LUC7L: variants seen among roughly 807,000 people sequenced by gnomAD.
LUC7L encodes the protein LUC7 like.
In LUC7L, 29 loss-of-function variants were observed where a neutral mutation model predicts 51.1. The observed-to-expected ratio is 0.57, with a 90% CI of 0.42 to 0.77. LUC7L has a LOEUF of 0.77. LUC7L is among the 30% of genes least tolerant of loss of function. LUC7L has a pLI of 0.00. For missense variants in LUC7L, 403 were observed against 511.9 expected (o/e 0.79, Z 2.05); for synonymous variants, 181 against 180.7 (o/e 1.00, Z -0.01).
At chr16:213,944 G>C (rs1211918179) in intron 3 of LUC7L, among the ~76,000 whole-genome samples, 1 of 151,730 alleles carries the variant, frequency 6.6e-6, no homozygotes, top group Admixed American at 6.6e-5. Context: ...TCCATCTCCT[G>C]ATCTTGTGAT....
At chr16:198,463 G>T (rs1397997192) in intron 6 of LUC7L, among the ~76,000 whole-genome samples, 1 of 151,978 alleles carries the variant, frequency 6.6e-6, no homozygotes, top group Admixed American at 6.6e-5. Flanking sequence ...TGACCAACCA[G>T]AGATTCTTTC....
chr16:211,714 G>C (rs915522790), intron 3 of LUC7L, among the ~76,000 whole-genome samples: 1 of 152,198 alleles, frequency 6.6e-6, no homozygotes, highest in Non-Finnish European at 1.5e-5. Flanking sequence ...GTAGCGTTAT[G>C]AAACATAAAC....
chr16:222,757 A>T (rs995906372), intron 2 of LUC7L, among the ~76,000 whole-genome samples: 1 of 151,486 alleles, frequency 6.6e-6, no homozygotes, highest in African/African-American at 2.4e-5. Flanking sequence ...CAGCCTCCCA[A>T]GGAGCTGGAA....
intron 1 of LUC7L, 167 bp downstream of exon 1, chr16:229,112 C>T (rs986577824): frequency 9.9e-6 from 14 of 1,414,118 alleles, no homozygotes; most frequent in African/African-American, 9.0e-5. Flanking sequence ...CTCAGAGACG[C>T]ACCGGCTTAG....
chr16:204,367 C>T (rs921278138), intron 5 of LUC7L, among the ~76,000 whole-genome samples: 11 of 151,716 alleles, frequency 7.3e-5, no homozygotes, highest in East Asian at 3.9e-4. Context: ...GAGACCGAGG[C>T]GGGTGGACCA....
At chr16:228,798 A>C in intron 1 of LUC7L, 1 of 1,288,020 alleles carries the variant, frequency 7.8e-7, no homozygotes, top group Non-Finnish European at 1.0e-6. Flanking sequence ...ACGTTAGAAA[A>C]GCTCAGTTTA....
At chr16:200,967 A>G (rs1000191719) in intron 5 of LUC7L, among the ~76,000 whole-genome samples, 16 of 151,902 alleles carry the variant, frequency 1.1e-4, no homozygotes, top group South Asian at 2.1e-4. Flanking sequence ...GGTGGATCAC[A>G]AGGTCAGGAG....
rs138969437 is a variant in LUC7L at position 189,382 on chromosome 16, C to A, written c.975-43G>T. 4.7e-4 allele frequency: 734 copies of A among 1,574,554 alleles called. 4 individuals are homozygous for A. The African/African-American group carries it at 8.5e-3, about 18-fold the overall frequency. On this transcript the variant is annotated intron_variant, in intron 9 of 9. Coordinates refer to ENST00000293872, the MANE Select transcript of LUC7L (RefSeq NM_201412.3). ...GAGGCTCAGTGGAGGCTGCTGCCCC[C>A]CTTCTGCTGGCCGCTCAGGCACTGA...
At chr16:189,735 C>G in intron 9 of LUC7L, 1 of 1,387,278 alleles carries the variant, frequency 7.2e-7, no homozygotes, top group Non-Finnish European at 9.3e-7. Flanking sequence ...GTGCACAGGC[C>G]CCAGGACGCA....
chr16:205,914 T>A (rs1033160361), intron 5 of LUC7L, 90 bp downstream of exon 5: 136 of 1,458,706 alleles, frequency 9.3e-5, no homozygotes, highest in East Asian at 3.7e-4. Context: ...TTTTAAAAAA[T>A]GGGAGCAAGC....
intron 5 of LUC7L, among the ~76,000 whole-genome samples, chr16:200,865 C>A (rs776757034): frequency 6.6e-6 from 1 of 151,952 alleles, no homozygotes. Context: ...CTGGGTGACC[C>A]TGGCTGACAG....
At chr16:228,746 TG>T (rs565062213) in intron 1 of LUC7L, 7 of 1,263,728 alleles carry the variant, frequency 5.5e-6, no homozygotes, top group African/African-American at 1.5e-5. Flanking sequence ...TCCTGTGTGC[TG>T]GGGGGAAGGG....
At chr16:192,871 G>A (rs951600283) in intron 7 of LUC7L, 56 bp downstream of exon 7, 8 of 1,435,808 alleles carry the variant, frequency 5.6e-6, no homozygotes, top group Non-Finnish European at 4.9e-6. Flanking sequence ...GGAATGGACC[G>A]AGCAGGGAAT....
chr16:212,166 G>A (rs1031281928), intron 3 of LUC7L, among the ~76,000 whole-genome samples: 4 of 152,156 alleles, frequency 2.6e-5, no homozygotes, highest in African/African-American at 9.7e-5. Context: ...GGTGGTGCAT[G>A]CCTGTAATCC....
At chr16:220,436 G>T in intron 3 of LUC7L, 4 of 468,682 alleles carry the variant, frequency 8.5e-6, no homozygotes, top group Non-Finnish European at 1.5e-5. Flanking sequence ...GCAACAAAAT[G>T]AGATAACACA....
chr16:228,843 G>A (rs564411690), intron 1 of LUC7L: 6 of 1,295,066 alleles, frequency 4.6e-6, no homozygotes, highest in Admixed American at 2.3e-5. Flanking sequence ...ACCAGAGCGG[G>A]CCAGGTTTTC....
chr16:225,708 C>CATAGATGACCA (rs1395805766), intron 2 of LUC7L, among the ~76,000 whole-genome samples: 1 of 151,418 alleles, frequency 6.6e-6, no homozygotes, highest in African/African-American at 2.4e-5. Flanking sequence ...TGGTCGCCAA[C>CATAGATGACCA]TCCCAACCTC....
intron 3 of LUC7L, among the ~76,000 whole-genome samples, chr16:217,744 A>G (rs1355823849): frequency 1.3e-5 from 2 of 150,186 alleles, no homozygotes; most frequent in African/African-American, 4.9e-5. Context: ...ATAAATAAAC[A>G]GAATTTACTT....
intron 5 of LUC7L, among the ~76,000 whole-genome samples, chr16:205,429 C>A (rs932593257): frequency 3.3e-5 from 5 of 152,160 alleles, no homozygotes; most frequent in African/African-American, 1.2e-4. Flanking sequence ...ACATACCTAA[C>A]ATTTTCTGCA....
Sources: allele counts gnomAD v4.1 joint callset (sites outside exome capture counted in the v4.1 genomes callset), GRCh38; gene constraint gnomAD v4.1.1; transcripts MANE v1.5; gene names NCBI Gene and HGNC (gene_info 2026-07-23, HGNC 2026-07-21).